The following ASTN2 variants were observed in gnomAD, a reference collection of about 807,000 sequenced individuals.
The protein encoded by ASTN2 is astrotactin-2.
ASTN2 carries 54 observed loss-of-function variants against 139.8 expected under a neutral mutation model. The observed-to-expected ratio is 0.39, with a 90% CI of 0.31 to 0.48. The LOEUF (loss-of-function observed/expected upper bound fraction) is 0.48, where lower values mean the gene tolerates loss of function less well. Among genes scored for constraint, ASTN2 ranks in the 20% least tolerant of loss-of-function variants. ASTN2 has a pLI of 0.95. For missense variants in ASTN2, 1,565 were observed against 1,725.1 expected (o/e 0.91, Z 1.64); for synonymous variants, 756 against 719.5 (o/e 1.05, Z -0.81).
chr9:116,523,476 T>C (rs2160816), intron 19 of ASTN2, among the ~76,000 whole-genome samples: 140,730 of 152,176 alleles, frequency 0.92, 65,129 homozygotes, highest in Admixed American at 0.94. Context: ...AAGAGCATGG[T>C]GATCTTGAAT....
intron 1 of ASTN2, among the ~76,000 whole-genome samples, chr9:117,409,120 T>C (rs1022376856): frequency 1.3e-5 from 2 of 152,174 alleles, no homozygotes; most frequent in African/African-American, 4.8e-5. Flanking sequence ...CATACATTGT[T>C]TTAATCCTAT....
At chr9:116,736,923 C>A (rs1047831738) in intron 13 of ASTN2, among the ~76,000 whole-genome samples, 1 of 152,132 alleles carries the variant, frequency 6.6e-6, no homozygotes, top group Non-Finnish European at 1.5e-5. Flanking sequence ...CTGACCCCAA[C>A]GGGACAATGC....
At chr9:117,342,980 CT>C (rs1202515496) in intron 1 of ASTN2, among the ~76,000 whole-genome samples, 2 of 152,116 alleles carry the variant, frequency 1.3e-5, no homozygotes, top group Non-Finnish European at 2.9e-5. Context: ...GGTTGGATAG[CT>C]TTTTCCTGAT....
chr9:116,756,695 A>G (rs539683235), intron 13 of ASTN2, among the ~76,000 whole-genome samples: 1 of 151,930 alleles, frequency 6.6e-6, no homozygotes, highest in African/African-American at 2.4e-5. Context: ...AGTTAGCTCA[A>G]TTCGGCCTCC....
chr9:116,868,601 T>C (rs151149946), intron 10 of ASTN2, among the ~76,000 whole-genome samples: 2 of 152,300 alleles, frequency 1.3e-5, no homozygotes, highest in East Asian at 3.9e-4. Flanking sequence ...GGGGAAAGCA[T>C]AGTGTTTAAG....
chr9:117,313,261 C>A (rs575230506), intron 1 of ASTN2, among the ~76,000 whole-genome samples: 2 of 152,304 alleles, frequency 1.3e-5, no homozygotes, highest in Non-Finnish European at 2.9e-5. Context: ...AAAGTCAAAA[C>A]CTGGGCTTTG....
chr9:117,008,358 G>C, intron 6 of ASTN2, 99 bp from the exon 7 acceptor site: 2 of 1,113,070 alleles, frequency 1.8e-6, no homozygotes, highest in Non-Finnish European at 2.5e-6. Context: ...CGTTCCCCAG[G>C]TCATCTGATC....
At chr9:117,016,634 A>C (rs372884674) in intron 6 of ASTN2, among the ~76,000 whole-genome samples, 363 of 19,918 alleles carry the variant, frequency 0.018, 54 homozygotes, top group African/African-American at 0.052. Flanking sequence ...CTATATATAT[A>C]TATATATATA....
chr9:116,497,960 C>T (rs1385509007), intron 19 of ASTN2, among the ~76,000 whole-genome samples: 1 of 152,186 alleles, frequency 6.6e-6, no homozygotes, highest in African/African-American at 2.4e-5. Context: ...TTTCTCTGGG[C>T]CAAACACTTC....
chr9:116,501,767 GGGTGCAGCGCA>G (rs2119139494), intron 19 of ASTN2, among the ~76,000 whole-genome samples: 1 of 152,048 alleles, frequency 6.6e-6, no homozygotes, highest in South Asian at 2.1e-4. Context: ...ATGAGTTAGT[GGGTGCAGCGCA>G]CCAGCACGTC....
rs1474107798 is a variant in ASTN2, at chr9:117,016,698, T to A, written c.1424-8439A>T. On this transcript the variant is annotated intron_variant, in intron 6 of 22. Transcript: ENST00000313400. ...CATATATATAGGTTATATATATATGTTACATATATATAGGTTATATATATA... is the reference window on the plus strand; with the variant it reads ...CATATATATAGGTTATATATATATGATACATATATATAGGTTATATATATA... Among the ~76,000 whole-genome samples the A allele has an allele frequency of 4.1e-5, 6 of 144,698 alleles. No individual in the cohort carries two copies. In the East Asian group the frequency reaches 1.0e-3, roughly 24 times the overall value. 94.9% of individuals were successfully genotyped at this position (144,698 alleles called of 152,430 possible).
At chr9:116,733,365 G>A (rs749256937) in intron 14 of ASTN2, 34 bp downstream of exon 14, 3 of 1,597,818 alleles carry the variant, frequency 1.9e-6, no homozygotes, top group Admixed American at 1.7e-5. Flanking sequence ...GTGTGGTCAG[G>A]GAACCTGGGA....
intron 2 of ASTN2, among the ~76,000 whole-genome samples, chr9:117,289,197 T>C (rs1249406132): frequency 6.6e-6 from 1 of 151,984 alleles, no homozygotes; most frequent in African/African-American, 2.4e-5. Context: ...ACAGGAGAGA[T>C]CCAGATTATG....
chr9:116,678,617 A>C (rs1283037906), intron 16 of ASTN2, among the ~76,000 whole-genome samples: 1 of 152,200 alleles, frequency 6.6e-6, no homozygotes, highest in Non-Finnish European at 1.5e-5. Context: ...AAGCAAAGTG[A>C]AAAGGGCTTA....
At chr9:117,153,173 T>C (rs938183441) in intron 3 of ASTN2, among the ~76,000 whole-genome samples, 3 of 152,038 alleles carry the variant, frequency 2.0e-5, no homozygotes, top group African/African-American at 7.2e-5. Context: ...CACATATTTC[T>C]ACTCCCACAC....
intron 5 of ASTN2, among the ~76,000 whole-genome samples, chr9:117,071,884 G>A (rs1354444676): frequency 2.6e-5 from 4 of 152,086 alleles, no homozygotes; most frequent in Non-Finnish European, 4.4e-5. Context: ...CACCGTGCGC[G>A]CACCCACTGG....
At chr9:116,647,310 C>T (rs988297396) in intron 17 of ASTN2, among the ~76,000 whole-genome samples, 47 of 152,168 alleles carry the variant, frequency 3.1e-4, no homozygotes, top group African/African-American at 1.0e-3. Context: ...CAGGGTATAA[C>T]GCAGTCTTAG....
intron 16 of ASTN2, among the ~76,000 whole-genome samples, chr9:116,674,425 T>C (rs1382899889): frequency 6.6e-6 from 1 of 152,212 alleles, no homozygotes; most frequent in African/African-American, 2.4e-5. Context: ...GACAAAGGCT[T>C]TGAGTCAACA....
At chr9:117,089,072 G>A (rs1828638405) in intron 5 of ASTN2, among the ~76,000 whole-genome samples, 1 of 152,190 alleles carries the variant, frequency 6.6e-6, no homozygotes, top group African/African-American at 2.4e-5. Flanking sequence ...TGTGAGGTTC[G>A]GTGCTGAGGC....
Sources: allele counts gnomAD v4.1 joint callset (sites outside exome capture counted in the v4.1 genomes callset), GRCh38; gene constraint gnomAD v4.1.1; transcripts MANE v1.5; gene names NCBI Gene and HGNC (gene_info 2026-07-23, HGNC 2026-07-21).